MARK2: variants seen among roughly 807,000 people sequenced by gnomAD.
The protein encoded by MARK2 is microtubule affinity regulating kinase 2, also known as serine/threonine-protein kinase MARK2.
MARK2 carries 16 observed loss-of-function variants against 89.8 expected under a neutral mutation model. The ratio of observed to expected loss-of-function variants is 0.18; its 90% CI spans 0.12 to 0.27. MARK2 has a LOEUF of 0.27. Ranked by LOEUF, MARK2 falls within the 10% of genes least tolerant of loss-of-function variation. The probability of loss-of-function intolerance (pLI) is 1.00; values close to 1 mark genes in which losing one functional copy is unlikely to be tolerated. For missense variants in MARK2, 621 were observed against 1,049.9 expected (o/e 0.59, Z 5.65); for synonymous variants, 382 against 399.5 (o/e 0.96, Z 0.52).
chr11:63,882,922 T>TA (rs1318749827), intron 1 of MARK2, among the ~76,000 whole-genome samples: 1 of 152,174 alleles, frequency 6.6e-6, no homozygotes. Context: ...CAGTCCTCTG[T>TA]AAAGTGAGCC....
intron 1 of MARK2, among the ~76,000 whole-genome samples, chr11:63,862,362 G>C (rs574693938): frequency 2.0e-5 from 3 of 152,190 alleles, no homozygotes; most frequent in African/African-American, 7.2e-5. Context: ...AGCTTTTCTT[G>C]GTTGTGAAGA....
intron 11 of MARK2, among the ~76,000 whole-genome samples, chr11:63,901,695 T>C (rs1464079614): frequency 7.7e-6 from 1 of 130,614 alleles, no homozygotes; most frequent in Non-Finnish European, 1.6e-5. Context: ...TGTGTATCTG[T>C]GTGTGTGTGT....
chr11:63,848,694 G>A (rs1226270975), intron 1 of MARK2, among the ~76,000 whole-genome samples: 1 of 151,768 alleles, frequency 6.6e-6, no homozygotes, highest in Non-Finnish European at 1.5e-5. Flanking sequence ...GGGACTTCAG[G>A]CGCCCACCAC....
At chr11:63,885,810 G>A (rs1439683117) in intron 1 of MARK2, among the ~76,000 whole-genome samples, 3 of 151,090 alleles carry the variant, frequency 2.0e-5, no homozygotes, top group African/African-American at 7.3e-5. Context: ...CTCCAGCCTG[G>A]GTGACAGAGC....
At chr11:63,855,306 G>A (rs1231680957) in intron 1 of MARK2, among the ~76,000 whole-genome samples, 1 of 152,136 alleles carries the variant, frequency 6.6e-6, no homozygotes, top group Non-Finnish European at 1.5e-5. Flanking sequence ...ATCGCTTGAG[G>A]TCAGAAGTTC....
chr11:63,897,653 CAAAG>C (rs1940523905), intron 3 of MARK2, among the ~76,000 whole-genome samples: 2 of 152,304 alleles, frequency 1.3e-5, no homozygotes, highest in South Asian at 4.1e-4. Context: ...TTTTGTTTCA[CAAAG>C]AGAGCGTGAG....
intron 1 of MARK2, among the ~76,000 whole-genome samples, chr11:63,848,292 A>G (rs968799655): frequency 6.6e-6 from 1 of 152,094 alleles, no homozygotes. Flanking sequence ...ACAGTGAGCT[A>G]CTCATTGCTT....
In MARK2 at chr11:63,845,590, G is replaced by C. The variant is rs180891543; in HGVS notation, c.54+6030G>C. ...GAAGAGTAAGCCTTTACAAACCTGT[G>C]GGGGAGGAAGTCACCCTCTTCCCAC... On this transcript the variant is annotated intron_variant, in intron 1 of 18. Coordinates refer to ENST00000402010, the MANE Select transcript of MARK2 (RefSeq NM_001039469.3). 1.3e-4 allele frequency among the ~76,000 whole-genome samples: 20 copies of C among 152,234 alleles called. 1 individual carries two copies. Among genetic ancestry groups the C allele is most frequent in the Admixed American group, 1.1e-3 (17 of 15,268 alleles).
chr11:63,880,771 C>G (rs963277373), intron 1 of MARK2, among the ~76,000 whole-genome samples: 1 of 152,180 alleles, frequency 6.6e-6, no homozygotes, highest in African/African-American at 2.4e-5. Context: ...CTGAGTCTGT[C>G]TCCAGCTCAC....
chr11:63,896,102 C>G (rs1940375961), intron 3 of MARK2, among the ~76,000 whole-genome samples: 1 of 152,222 alleles, frequency 6.6e-6, no homozygotes, highest in Non-Finnish European at 1.5e-5. Flanking sequence ...TCCCATGGCT[C>G]TGCTACCTTC....
chr11:63,895,033 A>G, intron 1 of MARK2, 126 bp from the exon 2 acceptor site: 1 of 682,946 alleles, frequency 1.5e-6, no homozygotes, highest in Non-Finnish European at 2.5e-6. Context: ...CTGCCATATC[A>G]TTCTTCACAT....
chr11:63,894,434 C>T (rs1453336254), intron 1 of MARK2, among the ~76,000 whole-genome samples: 9 of 152,220 alleles, frequency 5.9e-5, no homozygotes, highest in Non-Finnish European at 1.0e-4. Context: ...CAGTGGCTCA[C>T]GCCTGTAATT....
At chr11:63,882,662 A>C (rs932512864) in intron 1 of MARK2, 1 of 151,944 alleles carries the variant, frequency 6.6e-6, no homozygotes, top group African/African-American at 2.4e-5. Flanking sequence ...TTATTGTTCC[A>C]TTTTTTTGTA....
chr11:63,870,684 C>A (rs1283176530), intron 1 of MARK2, among the ~76,000 whole-genome samples: 1 of 152,182 alleles, frequency 6.6e-6, no homozygotes, highest in East Asian at 1.9e-4. Context: ...GTTCAGCAAG[C>A]AATGAAGTGC....
intron 1 of MARK2, among the ~76,000 whole-genome samples, chr11:63,881,134 T>C (rs1939063413): frequency 6.6e-6 from 1 of 150,540 alleles, no homozygotes; most frequent in African/African-American, 2.5e-5. Flanking sequence ...TGAAATCCCG[T>C]CTACTAAAAA....
chr11:63,902,738 C>G lies in MARK2; in HGVS notation c.1372C>G (p.Leu458Val). ...SSTAKVPASP[L>V]PGLERKKTTP... is the part of the protein sequence containing the mutation. The stretch of plus-strand genomic sequence containing the variant: ...CACAGCCAAGGTGCCTGCCAGCCCC[C>G]TGCCCGGTCTGGAGAGGAAGAAGAC... The change falls in exon 13 of 19, where the codon CTG becomes GTG. Residue 458 changes from leucine to valine, a missense_variant. Physicochemically the swap from Leu to Val is conservative, Grantham distance 32. Transcript: ENST00000402010. This position sits in a 1 kb window ranked among gnomAD's most constrained non-coding sequence, Gnocchi z 4.2. 2 of 1,613,780 alleles carry G rather than the reference C, an allele frequency of 1.2e-6. No individual in the cohort carries two copies. The highest frequency in any genetic ancestry group is 1.7e-6 in the Non-Finnish European group (2 of 1,179,974).
intron 1 of MARK2, among the ~76,000 whole-genome samples, chr11:63,843,687 C>G (rs964253791): frequency 6.6e-6 from 1 of 151,634 alleles, no homozygotes; most frequent in Non-Finnish European, 1.5e-5. Flanking sequence ...TGTAGCGATG[C>G]GATCTCGGCT....
intron 1 of MARK2, among the ~76,000 whole-genome samples, chr11:63,862,181 T>A (rs1186769330): frequency 6.6e-6 from 1 of 152,168 alleles, no homozygotes; most frequent in African/African-American, 2.4e-5. Flanking sequence ...CATCTCAGCT[T>A]CCCAAAGTGC....
At chr11:63,896,603 G>A (rs554870997) in intron 3 of MARK2, among the ~76,000 whole-genome samples, 17 of 152,340 alleles carry the variant, frequency 1.1e-4, no homozygotes, top group African/African-American at 3.4e-4. Flanking sequence ...TGTTGAGGGC[G>A]ATGCTCATGG....
Sources: gnomAD v4.1 joint callset for allele counts (sites outside exome capture counted in the v4.1 genomes callset) on GRCh38, gnomAD v4.1.1 for gene constraint, Gnocchi (gnomAD v3.1) non-coding constraint, MANE v1.5 for transcripts, NCBI Gene and HGNC (gene_info 2026-07-23, HGNC 2026-07-21) for gene names.